PSD3: variants seen among roughly 807,000 people sequenced by gnomAD.
The protein encoded by PSD3 is pleckstrin and Sec7 domain containing 3, also known as PH and SEC7 domain-containing protein 3.
Under a neutral mutation model 105.5 loss-of-function variants are expected in PSD3, and 49 were observed. The observed-to-expected ratio is 0.46, with a 90% CI of 0.37 to 0.59. PSD3 has a LOEUF of 0.59. Among genes scored for constraint, PSD3 ranks in the 20% least tolerant of loss-of-function variants. PSD3 has a pLI of 0.00. For missense variants in PSD3, 1,561 were observed against 1,263.8 expected (o/e 1.24, Z -3.57); for synonymous variants, 557 against 457.8 (o/e 1.22, Z -2.77).
chr8:18,968,316 T>C (rs1290940221), intron 1 of PSD3, among the ~76,000 whole-genome samples: 1 of 152,174 alleles, frequency 6.6e-6, no homozygotes, highest in Non-Finnish European at 1.5e-5. Flanking sequence ...CAGGAGACCA[T>C]AAACTTTTCA....
intron 15 of PSD3, among the ~76,000 whole-genome samples, chr8:18,552,132 G>T (rs948352629): frequency 1.3e-5 from 2 of 152,112 alleles, no homozygotes; most frequent in African/African-American, 4.8e-5. Context: ...CATTGCGTCG[G>T]CTGGTTTTCT....
At chr8:18,582,816 C>CTTTTTTTTTTTT (rs71217386) in intron 12 of PSD3, among the ~76,000 whole-genome samples, 16 of 125,464 alleles carry the variant, frequency 1.3e-4, no homozygotes, top group Non-Finnish European at 2.1e-4. Flanking sequence ...CCACACTGAT[C>CTTTTTTTTTTTT]TTTTTTTTTT....
chr8:18,577,509 T>G (rs1222570907), intron 12 of PSD3, among the ~76,000 whole-genome samples: 1 of 152,138 alleles, frequency 6.6e-6, no homozygotes, highest in Non-Finnish European at 1.5e-5. Flanking sequence ...GCATTTCTGA[T>G]AAGTTTTATA....
intron 9 of PSD3, among the ~76,000 whole-genome samples, chr8:18,750,565 A>C (rs1053766024): frequency 6.6e-6 from 1 of 152,014 alleles, no homozygotes; most frequent in Non-Finnish European, 1.5e-5. Flanking sequence ...AACCTTCCAC[A>C]GTGTGGAAGG....
chr8:18,813,770 T>C lies in PSD3; in HGVS notation c.1635-8872A>G, dbSNP rs374808597. Among the ~76,000 whole-genome samples, 94 of 152,222 alleles carry C rather than the reference T, an allele frequency of 6.2e-4. 1 individual carries two copies. In the South Asian group the frequency reaches 7.9e-3, roughly 13 times the overall value. ...TCATCATTGTCTGTAACCCTTAAGG[T>C]TTTTAGCTATAAAACAGATAATAGT... is the stretch of plus-strand genomic sequence containing the variant. On this transcript the variant is annotated intron_variant, in intron 4 of 15. Transcript: ENST00000327040.
intron 9 of PSD3, among the ~76,000 whole-genome samples, chr8:18,663,014 C>G (rs1415085644): frequency 6.6e-6 from 1 of 152,138 alleles, no homozygotes; most frequent in African/African-American, 2.4e-5. Context: ...TGAGCTACAA[C>G]AGTTTGAACC....
At chr8:18,536,279 G>C (rs1189093385) in intron 15 of PSD3, among the ~76,000 whole-genome samples, 1 of 152,170 alleles carries the variant, frequency 6.6e-6, no homozygotes, top group African/African-American at 2.4e-5. Context: ...GTCTAAGTTG[G>C]AGGAGCTGTC....
At chr8:18,595,193 G>A (rs1803996812) in intron 12 of PSD3, among the ~76,000 whole-genome samples, 1 of 149,728 alleles carries the variant, frequency 6.7e-6, no homozygotes, top group South Asian at 2.1e-4. Context: ...ACTGTTTTAT[G>A]TAAGCCCCAT....
chr8:18,591,748 G>C (rs371700705), intron 12 of PSD3, among the ~76,000 whole-genome samples: 46 of 152,268 alleles, frequency 3.0e-4, no homozygotes, highest in African/African-American at 1.1e-3. Context: ...AGTGGTATCT[G>C]ACTCTCCTGA....
intron 8 of PSD3, among the ~76,000 whole-genome samples, chr8:18,785,728 C>T (rs913697902): frequency 3.3e-4 from 50 of 152,262 alleles, no homozygotes; most frequent in African/African-American, 1.0e-3. Context: ...TGATTCAAAG[C>T]GAGACGTATG....
chr8:18,736,998 C>A (rs1804195788), intron 9 of PSD3, among the ~76,000 whole-genome samples: 1 of 152,068 alleles, frequency 6.6e-6, no homozygotes, highest in African/African-American at 2.4e-5. Flanking sequence ...AAAAAAATCT[C>A]AGAATTGTAG....
chr8:18,791,859 G>A (rs1809753197), intron 8 of PSD3, among the ~76,000 whole-genome samples: 1 of 152,028 alleles, frequency 6.6e-6, no homozygotes, highest in Non-Finnish European at 1.5e-5. Flanking sequence ...GCACCTACAA[G>A]GAATTTAAAT....
rs146941473 is a variant in PSD3 at position 18,732,256 on chromosome 8, T to G, written c.2172+33193A>C. On this transcript the variant is annotated intron_variant, in intron 9 of 15. Transcript: ENST00000327040. ...ACGAACTCGTACTAAAACAAAATAC[T>G]GATTGTAGATGGACATACGGAGTCA... Among the ~76,000 whole-genome samples, 13 of 152,030 alleles carry G rather than the reference T, an allele frequency of 8.6e-5. No individual in the cohort carries two copies. The East Asian group carries it at 2.5e-3, about 30-fold the overall frequency.
intron 11 of PSD3, among the ~76,000 whole-genome samples, chr8:18,614,109 G>A (rs981008743): frequency 6.6e-6 from 1 of 152,144 alleles, no homozygotes; most frequent in African/African-American, 2.4e-5. Context: ...TCTCTTCTTA[G>A]TTGACATGCC....
chr8:18,986,999 T>A (rs1466570458), intron 1 of PSD3, among the ~76,000 whole-genome samples: 1 of 152,122 alleles, frequency 6.6e-6, no homozygotes, highest in Non-Finnish European at 1.5e-5. Flanking sequence ...ATCGCCAAGG[T>A]CTGATCTTTT....
chr8:19,061,970 T>G (rs1828911744), intron 1 of PSD3, among the ~76,000 whole-genome samples: 2 of 152,088 alleles, frequency 1.3e-5, no homozygotes, highest in African/African-American at 4.8e-5. Flanking sequence ...TGGGTAAAAT[T>G]TATTACACCC....
chr8:19,006,406 G>A (rs1826686493), intron 1 of PSD3, among the ~76,000 whole-genome samples: 1 of 151,408 alleles, frequency 6.6e-6, no homozygotes, highest in African/African-American at 2.4e-5. Flanking sequence ...CTAAATAGAT[G>A]TCATTCTTTC....
chr8:18,703,499 C>G (rs1395100390), intron 9 of PSD3, among the ~76,000 whole-genome samples: 1 of 152,158 alleles, frequency 6.6e-6, no homozygotes, highest in Non-Finnish European at 1.5e-5. Flanking sequence ...AAGTTTAAAC[C>G]AAACTCATAA....
At chr8:18,625,984 C>T (rs76842387) in intron 11 of PSD3, among the ~76,000 whole-genome samples, 5,039 of 152,070 alleles carry the variant, frequency 0.033, 152 homozygotes, top group Middle Eastern at 0.11. Context: ...AAACTAAGAG[C>T]TTATACTGAA....
Sources: gnomAD v4.1 joint callset for allele counts (sites outside exome capture counted in the v4.1 genomes callset) on GRCh38, gnomAD v4.1.1 for gene constraint, MANE v1.5 for transcripts, NCBI Gene and HGNC (gene_info 2026-07-23, HGNC 2026-07-21) for gene names.